The following TTF2 variants were observed in gnomAD, a reference collection of about 807,000 sequenced individuals.
TTF2 encodes transcription termination factor 2.
In TTF2, 108 loss-of-function variants were observed where a neutral mutation model predicts 142.4. That is an observed-to-expected ratio of 0.76 (90% CI 0.65 to 0.89). The LOEUF is 0.89. TTF2 is among the 40% of genes least tolerant of loss of function. TTF2 has a pLI of 0.00. For missense variants in TTF2, 1,327 were observed against 1,379.8 expected, an observed-to-expected ratio of 0.96 and a Z score of 0.61; for synonymous variants, 483 against 506.2, an observed-to-expected ratio of 0.95 and a Z score of 0.61.
intron 8 of TTF2, among the ~76,000 whole-genome samples, chr1:117,078,648 G>A (rs1271338879): frequency 6.6e-6 from 1 of 152,228 alleles, no homozygotes; most frequent in African/African-American, 2.4e-5. Context: ...TGATGTTACT[G>A]AGTAGGAGCC....
intron 11 of TTF2, among the ~76,000 whole-genome samples, chr1:117,084,731 C>A (rs758771754): frequency 6.6e-6 from 1 of 152,120 alleles, no homozygotes; most frequent in Non-Finnish European, 1.5e-5. Flanking sequence ...TAGTCCTAGT[C>A]TTTGTCTTTT....
At position 117,076,628 on chromosome 1, in the gene TTF2, G is replaced by A. The variant is rs1570819071; in HGVS notation, c.1391-13G>A. ...CTGAACTTTAATCTGCTCTTCCCTTGTTTTCTGAGCAGGAACTAATGAGAA... is the reference window on the plus strand; with the variant it reads ...CTGAACTTTAATCTGCTCTTCCCTTATTTTCTGAGCAGGAACTAATGAGAA... On this transcript the variant is annotated splice_polypyrimidine_tract_variant and intron_variant, in intron 6 of 22. Transcript: ENST00000369466. This position sits in a 1 kb window ranked among gnomAD's most constrained non-coding sequence, Gnocchi z 4.6. 3.8e-6 allele frequency: 6 copies of A among 1,598,626 alleles called. No homozygotes were observed. In the East Asian group the frequency reaches 1.3e-4, roughly 36 times the overall value.
chr1:117,067,272 C>G (rs930243929), intron 3 of TTF2, among the ~76,000 whole-genome samples: 2 of 152,136 alleles, frequency 1.3e-5, no homozygotes, highest in Non-Finnish European at 2.9e-5. Flanking sequence ...TGGTTCACAC[C>G]TGTAATCTCA....
intron 3 of TTF2, among the ~76,000 whole-genome samples, chr1:117,067,339 C>G (rs1009550369): frequency 6.6e-6 from 1 of 151,964 alleles, no homozygotes; most frequent in Non-Finnish European, 1.5e-5. Flanking sequence ...CAAGACCAGC[C>G]TGGCCATCAT....
rs544567409 is a variant in TTF2, at chr1:117,097,444, C to CG, written c.3269+13dup. On this transcript the variant is annotated intron_variant, in intron 21 of 22. Transcript: ENST00000369466. The surrounding 1 kb of genome is among the most constrained non-coding windows in gnomAD (Gnocchi z 4.1). ...TTTGGACATGCACTGGTAATGATTCCGGATTTGTCCTGGGTTGTCACAGCA... is the reference window on the plus strand; with the variant it reads ...TTTGGACATGCACTGGTAATGATTCCGGGATTTGTCCTGGGTTGTCACAGCA... The CG allele has an allele frequency of 8.4e-5, 136 of 1,613,882 alleles. 1 individual carries two copies. The East Asian group carries it at 1.6e-3, about 19-fold the overall frequency.
chr1:117,083,580 C>T (rs971442087), intron 10 of TTF2, among the ~76,000 whole-genome samples: 1 of 152,206 alleles, frequency 6.6e-6, no homozygotes, highest in South Asian at 2.1e-4. Flanking sequence ...CTTCCAGCCA[C>T]TCTGTGAAAG....
Position 117,094,701 on chromosome 1 carries a change from G to T in TTF2, c.2977-608G>T, listed in dbSNP as rs375803775. The T allele has an allele frequency of 1.1e-4, 52 of 467,772 alleles. 1 individual carries two copies. The Middle Eastern group carries it at 4.5e-3, about 40-fold the overall frequency. The allele number at this position is 467,772 out of a possible 1,614,324, so 29.0% of individuals were successfully genotyped here. On this transcript the variant is annotated intron_variant, in intron 18 of 22. Coordinates refer to ENST00000369466, the MANE Select transcript of TTF2 (RefSeq NM_003594.4). ...GTGTACTCACAGCCCCTCACACATGGCCGAAACAGAGAAGTTACTTTCCTA... is the reference window on the plus strand; with the variant it reads ...GTGTACTCACAGCCCCTCACACATGTCCGAAACAGAGAAGTTACTTTCCTA...
chr1:117,098,961 G>A, intron 22 of TTF2, 54 bp downstream of exon 22: 1 of 1,510,760 alleles, frequency 6.6e-7, no homozygotes, highest in Non-Finnish European at 9.1e-7. Flanking sequence ...CTTTGTGAAA[G>A]TCTTTCTTTC....
Position 117,078,057 on chromosome 1 carries a change from G to T in TTF2, c.1701+14G>T. 1 of 1,613,266 alleles carries T rather than the reference G, an allele frequency of 6.2e-7. No individual in the cohort carries two copies. Reference sequence around the variant, plus strand: ...GCCGGGCTGAAGGTGAGCCAGGGAAGACTCCTGGTGTAGTCCTCTATGACA... The same window carrying T: ...GCCGGGCTGAAGGTGAGCCAGGGAATACTCCTGGTGTAGTCCTCTATGACA... On this transcript the variant is annotated intron_variant, in intron 8 of 22. Transcript: ENST00000369466.
Position 117,073,825 on chromosome 1 carries a change from C to T in TTF2, c.285+98C>T. The T allele has an allele frequency of 5.5e-6, 6 of 1,088,102 alleles. No individual in the cohort carries two copies. The highest frequency in any genetic ancestry group is 8.0e-6 in the Non-Finnish European group (6 of 750,840). 67.4% of individuals were successfully genotyped at this position (1,088,102 alleles called of 1,614,324 possible). On this transcript the variant is annotated intron_variant, in intron 4 of 22. Coordinates refer to ENST00000369466, the MANE Select transcript of TTF2 (RefSeq NM_003594.4). This position sits in a 1 kb window ranked among gnomAD's most constrained non-coding sequence, Gnocchi z 4.4. ...TTGAAGTTCACGTAAATGAGTTGGT[C>T]TTCATCAGACTGTCTCCGAAAGATA...
At chr1:117,096,070 T>A (rs1304326971) in intron 19 of TTF2, 79 bp from the exon 20 acceptor site, 1 of 1,517,790 alleles carries the variant, frequency 6.6e-7, no homozygotes, top group African/African-American at 1.4e-5. Flanking sequence ...ACCTTAAGAA[T>A]GATGAGGGCA....
intron 10 of TTF2, among the ~76,000 whole-genome samples, chr1:117,083,069 C>T (rs1230265097): frequency 2.0e-5 from 3 of 151,724 alleles, no homozygotes; most frequent in African/African-American, 4.8e-5. Context: ...GGTGAAACCC[C>T]GTCTCTACTA....
At position 117,073,829 on chromosome 1, in the gene TTF2, A is replaced by G; in HGVS notation, c.285+102A>G. 1 of 1,075,426 alleles carries G rather than the reference A, an allele frequency of 9.3e-7. No individual in the cohort carries two copies. The highest frequency in any genetic ancestry group is 1.3e-6 in the Non-Finnish European group (1 of 741,130). 66.6% of individuals were successfully genotyped at this position (1,075,426 alleles called of 1,614,324 possible). On this transcript the variant is annotated intron_variant, in intron 4 of 22. Transcript: ENST00000369466. This position sits in a 1 kb window ranked among gnomAD's most constrained non-coding sequence, Gnocchi z 4.4. ...AGTTCACGTAAATGAGTTGGTCTTC[A>G]TCAGACTGTCTCCGAAAGATAGTTT... is the stretch of plus-strand genomic sequence containing the variant.
At position 117,097,409 on chromosome 1, in the gene TTF2, A is replaced by G; in HGVS notation, c.3245A>G (p.His1082Arg). ...GGTCTAAACCTGACTGGAGGAAATC[A>G]CCTCTTTCTTTTGGACATGCACTGG... ...GVGLNLTGGN[H>R]LFLLDMHWNP... is the part of the protein sequence containing the mutation. The change falls in exon 21 of 23, where the codon CAC (histidine) becomes CGC (arginine). Residue 1082 changes from histidine to arginine, a missense_variant. Coordinates refer to ENST00000369466, the MANE Select transcript of TTF2 (RefSeq NM_003594.4). The surrounding 1 kb of genome is among the most constrained non-coding windows in gnomAD (Gnocchi z 4.1). The G allele has an allele frequency of 6.2e-7, 1 of 1,614,004 alleles. No individual in the cohort carries two copies. Among genetic ancestry groups the G allele is most frequent in the African/African-American group, 1.3e-5 (1 of 74,976 alleles).
At chr1:117,065,391 G>T (rs1656010369) in intron 3 of TTF2, among the ~76,000 whole-genome samples, 1 of 152,170 alleles carries the variant, frequency 6.6e-6, no homozygotes, top group Non-Finnish European at 1.5e-5. Flanking sequence ...GAGGTCAGGA[G>T]ATCGAGACCA....
At chr1:117,081,703 G>A in intron 9 of TTF2, 125 bp from the exon 10 acceptor site, 1 of 1,164,140 alleles carries the variant, frequency 8.6e-7, no homozygotes, top group Non-Finnish European at 1.2e-6. Flanking sequence ...TAGGCACAGA[G>A]TAGTGACGGA....
chr1:117,072,371 A>G (rs1656647061), intron 3 of TTF2, among the ~76,000 whole-genome samples: 1 of 151,858 alleles, frequency 6.6e-6, no homozygotes, highest in South Asian at 2.1e-4. Context: ...AATCCCAGAT[A>G]ACATTATTTC....
At position 117,075,769 on chromosome 1, in the gene TTF2, G is replaced by A. The variant is rs963007753; in HGVS notation, c.1185G>A (p.Val395=). The A allele has an allele frequency of 1.9e-6, 3 of 1,614,218 alleles. No individual in the cohort carries two copies. Among genetic ancestry groups the A allele is most frequent in the Admixed American group, 1.7e-5 (1 of 60,032 alleles). The part of the protein sequence containing the change: ...QFPDRSVQRK[V]SPASGVSKKV... ...CTGATCGAAGTGTGCAAAGAAAGGT[G>A]TCTCCTGCCTCAGGTGTTTCCAAGA... The change falls in exon 5 of 23, where the codon GTG becomes GTA. Residue 395 remains valine, a synonymous_variant. Coordinates refer to ENST00000369466, the MANE Select transcript of TTF2 (RefSeq NM_003594.4). The surrounding 1 kb of genome is among the most constrained non-coding windows in gnomAD (Gnocchi z 4.5).
At chr1:117,081,494 G>C (rs762142722) in intron 9 of TTF2, among the ~76,000 whole-genome samples, 1 of 152,166 alleles carries the variant, frequency 6.6e-6, no homozygotes, top group Non-Finnish European at 1.5e-5. Flanking sequence ...TGCTTTTGGA[G>C]GTAAGGGATC....
Sources: gnomAD v4.1 joint callset for allele counts (sites outside exome capture counted in the v4.1 genomes callset) on GRCh38, gnomAD v4.1.1 for gene constraint, Gnocchi (gnomAD v3.1) non-coding constraint, MANE v1.5 for transcripts, NCBI Gene and HGNC (gene_info 2026-07-23, HGNC 2026-07-21) for gene names.